Variants in PRDM6 observed in about 807,000 individuals in gnomAD.
PRDM6 encodes the protein putative histone-lysine N-methyltransferase PRDM6.
Under a neutral mutation model 60.8 loss-of-function variants are expected in PRDM6, and 25 were observed. That is an observed-to-expected ratio of 0.41 (90% CI 0.30 to 0.57). PRDM6 has a LOEUF of 0.57. PRDM6 is among the 20% of genes least tolerant of loss of function. The pLI is 0.27. For synonymous variants in PRDM6, 407 were observed against 357.4 expected, an observed-to-expected ratio of 1.14 and a Z score of -1.57; for missense variants, 839 against 821.3, an observed-to-expected ratio of 1.02 and a Z score of -0.26.
At chr5:123,184,687 A>G (rs1029654716) in intron 7 of PRDM6, among the ~76,000 whole-genome samples, 2 of 152,210 alleles carry the variant, frequency 1.3e-5, no homozygotes, top group African/African-American at 4.8e-5. Flanking sequence ...GATGAGTTTC[A>G]TTAAAGTATG....
chr5:123,153,722 G>A (rs1765428290), intron 3 of PRDM6, among the ~76,000 whole-genome samples: 1 of 152,160 alleles, frequency 6.6e-6, no homozygotes, highest in Non-Finnish European at 1.5e-5. Flanking sequence ...TGAAACAAGA[G>A]TGTAGGGGGA....
At chr5:123,106,475 T>G (rs534428527) in intron 3 of PRDM6, among the ~76,000 whole-genome samples, 1 of 152,260 alleles carries the variant, frequency 6.6e-6, no homozygotes, top group Admixed American at 6.5e-5. Flanking sequence ...AGGAAAACTG[T>G]TACAGTACGA....
intron 2 of PRDM6, among the ~76,000 whole-genome samples, chr5:123,091,401 T>G (rs1488639224): frequency 6.6e-6 from 1 of 152,206 alleles, no homozygotes; most frequent in African/African-American, 2.4e-5. Flanking sequence ...GACTGTAATT[T>G]AGTAAAAGAC....
At chr5:123,183,028 T>C (rs1187551756) in intron 7 of PRDM6, among the ~76,000 whole-genome samples, 1 of 152,242 alleles carries the variant, frequency 6.6e-6, no homozygotes, top group Non-Finnish European at 1.5e-5. Flanking sequence ...TGGACATTTG[T>C]AAATATTATG....
At chr5:123,125,916 G>T (rs1246353095) in intron 3 of PRDM6, among the ~76,000 whole-genome samples, 2 of 151,730 alleles carry the variant, frequency 1.3e-5, no homozygotes, top group Non-Finnish European at 2.9e-5. Flanking sequence ...AACAACATAT[G>T]TAAGCTAATT....
chr5:123,172,509 C>T (rs1271123914), intron 6 of PRDM6, among the ~76,000 whole-genome samples: 2 of 152,206 alleles, frequency 1.3e-5, no homozygotes, highest in Admixed American at 6.5e-5. Flanking sequence ...ATGTTTTCCT[C>T]ATTCAGAAAA....
rs1329439436 is a variant in PRDM6, at chr5:123,180,055, C to T, written c.1497-92C>T. 2.5e-6 allele frequency: 3 copies of T among 1,217,962 alleles called. No homozygotes were observed. The African/African-American group carries it at 4.6e-5, about 19-fold the overall frequency. The allele number at this position is 1,217,962 out of a possible 1,614,324, so 75.4% of individuals were successfully genotyped here. ...CCTGTCTTAGAAACTGAGAAAATGT[C>T]ACCAATAAGTTTTGGCCCCTTGTCA... On this transcript the variant is annotated intron_variant, in intron 6 of 7. Coordinates refer to ENST00000407847, the MANE Select transcript of PRDM6 (RefSeq NM_001136239.4).
chr5:123,126,682 T>C (rs568992540), intron 3 of PRDM6, among the ~76,000 whole-genome samples: 1 of 152,300 alleles, frequency 6.6e-6, no homozygotes, highest in African/African-American at 2.4e-5. Context: ...ATGACACATA[T>C]TTCTACATTT....
intron 3 of PRDM6, among the ~76,000 whole-genome samples, chr5:123,152,510 T>G (rs925868980): frequency 3.9e-5 from 6 of 152,206 alleles, no homozygotes; most frequent in Non-Finnish European, 8.8e-5. Context: ...GCCACTAGTT[T>G]GCAAAGGAGA....
rs1490650806 is a variant in PRDM6, at chr5:123,090,179, GCCC to G, written c.168_170del (p.Pro59del). 1 of 1,484,580 alleles carries G rather than the reference GCCC, an allele frequency of 6.7e-7. No individual in the cohort carries two copies. Among genetic ancestry groups the G allele is most frequent in the Admixed American group, 2.4e-5 (1 of 41,818 alleles). The allele number at this position is 1,484,580 out of a possible 1,614,324, so 92.0% of individuals were successfully genotyped here. A position where few individuals can be genotyped will look rare whatever the true frequency, so the allele number is the denominator to read the frequency against. ...CGCAGCCTCTTCAGCCGCCGCCGCC[GCCC>G]CCGCCCCCGGAGCGCGCTGAGCCTC... On this transcript the variant is annotated inframe_deletion, in exon 2 of 8. Coordinates refer to ENST00000407847, the MANE Select transcript of PRDM6 (RefSeq NM_001136239.4).
chr5:123,186,300 T>C (rs529279130), intron 7 of PRDM6, among the ~76,000 whole-genome samples: 12 of 152,314 alleles, frequency 7.9e-5, no homozygotes, highest in Middle Eastern at 3.4e-3. Context: ...TAAGTGAAGG[T>C]TGTTTGGAAG....
intron 4 of PRDM6, among the ~76,000 whole-genome samples, chr5:123,157,626 A>G (rs1048377842): frequency 1.3e-5 from 2 of 152,224 alleles, no homozygotes; most frequent in Non-Finnish European, 2.9e-5. Flanking sequence ...GCCCAATTTT[A>G]AAAACTGGCA....
rs1225958086 is a variant in PRDM6 at position 123,188,894 on chromosome 5, T to A, written c.*1693T>A. ...TCAACAGGGTCTAATTAATAAGTGTTTACAGTTATTATTTATATACGTATA... is the reference window on the plus strand; with the variant it reads ...TCAACAGGGTCTAATTAATAAGTGTATACAGTTATTATTTATATACGTATA... On this transcript the variant is annotated 3_prime_UTR_variant, in exon 8 of 8. Coordinates refer to ENST00000407847, the MANE Select transcript of PRDM6 (RefSeq NM_001136239.4). The A allele has an allele frequency of 5.9e-5, 9 of 152,214 alleles. No individual in the cohort carries two copies. Among genetic ancestry groups the A allele is most frequent in the Non-Finnish European group, 2.9e-5 (2 of 68,034 alleles). The allele number at this position is 152,214 out of a possible 1,614,324, so 9.4% of individuals were successfully genotyped here.
chr5:123,089,858 A>C, intron 1 of PRDM6, 142 bp from the exon 2 acceptor site: 1 of 623,934 alleles, frequency 1.6e-6, no homozygotes. Context: ...GCCCAAGCGG[A>C]GTTGGGAAGA....
rs1766468178 is a variant in PRDM6, at chr5:123,193,418, G to T, written c.*6217G>T. 2.6e-5 allele frequency: 4 copies of T among 152,216 alleles called. No individual in the cohort carries two copies. The highest frequency in any genetic ancestry group is 5.9e-5 in the Non-Finnish European group (4 of 68,044). 9.4% of individuals were successfully genotyped at this position (152,216 alleles called of 1,614,324 possible). A position where few individuals can be genotyped will look rare whatever the true frequency, so the allele number is the denominator to read the frequency against. On this transcript the variant is annotated 3_prime_UTR_variant, in exon 8 of 8. Transcript: ENST00000407847. ...TAGAGCAAAAGTCTGCCAACCCACA[G>T]TCCCTGTTGATCCACATGTGGGCAT...
In PRDM6 at chr5:123,099,557, G is replaced by A; in HGVS notation, c.593-97G>A. The A allele has an allele frequency of 8.6e-7, 1 of 1,157,700 alleles. No homozygotes were observed. The highest frequency in any genetic ancestry group is 1.2e-6 in the Non-Finnish European group (1 of 857,540). 71.7% of individuals were successfully genotyped at this position (1,157,700 alleles called of 1,614,324 possible). ...TCGAAGGTGGCTTACCCAGGCGGGCGGTGATGCTGTTGTCTCGGGAGTTTA... is the reference window on the plus strand; with the variant it reads ...TCGAAGGTGGCTTACCCAGGCGGGCAGTGATGCTGTTGTCTCGGGAGTTTA... On this transcript the variant is annotated intron_variant, in intron 2 of 7. Coordinates refer to ENST00000407847, the MANE Select transcript of PRDM6 (RefSeq NM_001136239.4). The surrounding 1 kb of genome is among the most constrained non-coding windows in gnomAD (Gnocchi z 4.0).
chr5:123,123,594 C>CA (rs533405135), intron 3 of PRDM6, among the ~76,000 whole-genome samples: 4 of 151,822 alleles, frequency 2.6e-5, no homozygotes, highest in Admixed American at 1.3e-4. Flanking sequence ...TCCACGTTTG[C>CA]AAAAAAAATA....
At chr5:123,093,308 A>C (rs1427660763) in intron 2 of PRDM6, among the ~76,000 whole-genome samples, 1 of 152,146 alleles carries the variant, frequency 6.6e-6, no homozygotes, top group Non-Finnish European at 1.5e-5. Flanking sequence ...CCTTTAGCAA[A>C]GTAACTTTTT....
intron 3 of PRDM6, among the ~76,000 whole-genome samples, chr5:123,142,899 A>AAAAAAAAAAAAAAAC (rs1765143030): frequency 7.7e-6 from 1 of 129,836 alleles, no homozygotes; most frequent in African/African-American, 2.9e-5. Flanking sequence ...AAAAAAAAAA[A>AAAAAAAAAAAAAAAC]AAACAAACAA....
Sources: gnomAD v4.1 joint callset for allele counts (sites outside exome capture counted in the v4.1 genomes callset) on GRCh38, gnomAD v4.1.1 for gene constraint, Gnocchi (gnomAD v3.1) non-coding constraint, MANE v1.5 for transcripts, NCBI Gene and HGNC (gene_info 2026-07-23, HGNC 2026-07-21) for gene names.